SMYD3: variants seen among roughly 807,000 people sequenced by gnomAD.
The protein encoded by SMYD3 is SET and MYND domain containing 3.
SMYD3 carries 36 observed loss-of-function variants against 57.7 expected under a neutral mutation model. The ratio of observed to expected loss-of-function variants is 0.62; its 90% CI spans 0.48 to 0.82. The LOEUF is 0.82. SMYD3 is among the 40% of genes least tolerant of loss of function. The pLI is 0.00. For synonymous variants in SMYD3, 211 were observed against 195.0 expected (o/e 1.08, Z -0.68); for missense variants, 515 against 538.8 (o/e 0.96, Z 0.44).
chr1:246,264,347 T>C (rs1354070573), intron 5 of SMYD3, among the ~76,000 whole-genome samples: 1 of 152,126 alleles, frequency 6.6e-6, no homozygotes, highest in Non-Finnish European at 1.5e-5. Context: ...AATATGGTAA[T>C]TGATTAAAAC....
intron 11 of SMYD3, among the ~76,000 whole-genome samples, chr1:245,754,955 T>C (rs2045546496): frequency 6.6e-6 from 1 of 152,080 alleles, no homozygotes; most frequent in Non-Finnish European, 1.5e-5. Flanking sequence ...TCAGGAGGGG[T>C]TACAGATGTG....
rs994244763 is a variant in SMYD3 at position 246,002,318 on chromosome 1, G to T, written c.532-72381C>A. 2.5e-4 allele frequency among the ~76,000 whole-genome samples: 19 copies of T among 76,236 alleles called. 5 individuals carry two copies. The highest frequency in any genetic ancestry group is 8.4e-4 in the Admixed American group (5 of 5,972). 50.0% of individuals were successfully genotyped at this position (76,236 alleles called of 152,430 possible). A position where few individuals can be genotyped will look rare whatever the true frequency, so the allele number is the denominator to read the frequency against. ...TCCTGCCTCAGCCTCCCGAGTAGCT[G>T]GGACTGCAGGCTCCCGCCACCACGC... On this transcript the variant is annotated intron_variant, in intron 5 of 11. Transcript: ENST00000490107.
Position 246,247,481 on chromosome 1 carries a change from A to AT in SMYD3, c.531+79719dup, listed in dbSNP as rs1558347029. ...TCTCTCTCTCTATATATATATATAT[A>AT]TATATTTTTTAACATGGGACTCATA... On this transcript the variant is annotated intron_variant, in intron 5 of 11. Coordinates refer to ENST00000490107, the MANE Select transcript of SMYD3 (RefSeq NM_001167740.2). 1.7e-4 allele frequency among the ~76,000 whole-genome samples: 25 copies of AT among 144,542 alleles called. 1 individual carries two copies. The highest frequency in any genetic ancestry group is 6.0e-4 in the African/African-American group (23 of 38,282). 94.8% of individuals were successfully genotyped at this position (144,542 alleles called of 152,430 possible).
intron 1 of SMYD3, among the ~76,000 whole-genome samples, chr1:246,373,321 G>A (rs932748197): frequency 1.4e-4 from 22 of 152,250 alleles, no homozygotes; most frequent in Middle Eastern, 3.4e-3. Flanking sequence ...GCAGGGCATA[G>A]AGAGAAGGAC....
intron 9 of SMYD3, among the ~76,000 whole-genome samples, chr1:245,859,711 T>A (rs887362458): frequency 6.6e-6 from 1 of 152,166 alleles, no homozygotes; most frequent in African/African-American, 2.4e-5. Context: ...TGTCTCACCT[T>A]CACCCAGTGG....
chr1:246,095,785 A>G (rs1278051553), intron 5 of SMYD3, among the ~76,000 whole-genome samples: 1 of 152,216 alleles, frequency 6.6e-6, no homozygotes, highest in Non-Finnish European at 1.5e-5. Context: ...CCAAGGCAGG[A>G]GCATCGCCTG....
At chr1:246,283,178 G>C (rs1558375512) in intron 5 of SMYD3, among the ~76,000 whole-genome samples, 1 of 152,182 alleles carries the variant, frequency 6.6e-6, no homozygotes, top group Non-Finnish European at 1.5e-5. Flanking sequence ...TCTGGACTCA[G>C]GGTGGCTTGG....
chr1:246,194,708 T>C (rs1469397315), intron 5 of SMYD3, among the ~76,000 whole-genome samples: 2 of 152,230 alleles, frequency 1.3e-5, no homozygotes, highest in African/African-American at 4.8e-5. Context: ...AATTTGAAAT[T>C]CAATTCCTCA....
At chr1:246,376,127 T>C (rs6686838) in intron 1 of SMYD3, among the ~76,000 whole-genome samples, 4 of 152,126 alleles carry the variant, frequency 2.6e-5, no homozygotes, top group Non-Finnish European at 5.9e-5. Flanking sequence ...TAAAGGAATG[T>C]CTGGAAAACA....
At chr1:246,237,937 G>A (rs1212616749) in intron 5 of SMYD3, among the ~76,000 whole-genome samples, 2 of 152,062 alleles carry the variant, frequency 1.3e-5, no homozygotes, top group Admixed American at 1.3e-4. Context: ...CTTAAAACTA[G>A]GAAAGTAATA....
chr1:246,177,677 C>T (rs1036680475), intron 5 of SMYD3, among the ~76,000 whole-genome samples: 1 of 152,054 alleles, frequency 6.6e-6, no homozygotes, highest in African/African-American at 2.4e-5. Flanking sequence ...AAAGCCTAGT[C>T]CAAAAATGTC....
intron 1 of SMYD3, among the ~76,000 whole-genome samples, chr1:246,490,496 C>T (rs2068252959): frequency 6.6e-6 from 1 of 152,158 alleles, no homozygotes; most frequent in Non-Finnish European, 1.5e-5. Flanking sequence ...CTCAAGAAGG[C>T]TAAGACCACA....
chr1:245,799,022 C>T (rs2047725183), intron 10 of SMYD3, among the ~76,000 whole-genome samples: 1 of 152,172 alleles, frequency 6.6e-6, no homozygotes, highest in Non-Finnish European at 1.5e-5. Flanking sequence ...CTCCTGTCTG[C>T]ACCCTCGATA....
rs2062941922 is a variant in SMYD3, at chr1:246,202,887, G to A, written c.531+124314C>T. Among the ~76,000 whole-genome samples the A allele has an allele frequency of 6.6e-6, 1 of 152,170 alleles. No homozygotes were observed. Among genetic ancestry groups the A allele is most frequent in the African/African-American group, 2.4e-5 (1 of 41,436 alleles). Reference sequence around the variant, plus strand: ...TCACGCTTTAATCCCAGCACTTTGGGAGGCCAAGATAGTGGATCACTTGAG... The same window carrying A: ...TCACGCTTTAATCCCAGCACTTTGGAAGGCCAAGATAGTGGATCACTTGAG... On this transcript the variant is annotated intron_variant, in intron 5 of 11. Transcript: ENST00000490107. The surrounding 1 kb of genome is among the most constrained non-coding windows in gnomAD (Gnocchi z 4.1).
chr1:246,440,579 C>G (rs1402772136), intron 1 of SMYD3, among the ~76,000 whole-genome samples: 1 of 152,056 alleles, frequency 6.6e-6, no homozygotes, highest in Non-Finnish European at 1.5e-5. Flanking sequence ...TAGGAACTCT[C>G]TCTCCAAATC....
chr1:245,896,395 A>AAAAAAAAAAAAAAC (rs2053792303), intron 8 of SMYD3, among the ~76,000 whole-genome samples: 2 of 150,994 alleles, frequency 1.3e-5, no homozygotes, highest in Non-Finnish European at 3.0e-5. Context: ...AAGTCAAAAA[A>AAAAAAAAAAAAAAC]AAAAAAAAAA....
chr1:246,286,193 A>C (rs1274628674), intron 5 of SMYD3, among the ~76,000 whole-genome samples: 1 of 152,238 alleles, frequency 6.6e-6, no homozygotes, highest in South Asian at 2.1e-4. Flanking sequence ...TTCTGATTCT[A>C]AAGTAAAACC....
At chr1:246,401,505 G>T (rs959092783) in intron 1 of SMYD3, among the ~76,000 whole-genome samples, 1 of 151,724 alleles carries the variant, frequency 6.6e-6, no homozygotes, top group South Asian at 2.1e-4. Flanking sequence ...GCTAATTTTT[G>T]TATTTTTAGT....
chr1:246,100,344 T>G (rs2060987229), intron 5 of SMYD3, among the ~76,000 whole-genome samples: 1 of 152,230 alleles, frequency 6.6e-6, no homozygotes, highest in Admixed American at 6.5e-5. Flanking sequence ...TGGGAAAACA[T>G]GTCAACTGTG....
Sources: allele counts gnomAD v4.1 joint callset (sites outside exome capture counted in the v4.1 genomes callset), GRCh38; gene constraint gnomAD v4.1.1; non-coding constraint Gnocchi (gnomAD v3.1); transcripts MANE v1.5; gene names NCBI Gene and HGNC (gene_info 2026-07-23, HGNC 2026-07-21).